NMNAT3: variants seen among roughly 807,000 people sequenced by gnomAD.
NMNAT3 encodes the protein nicotinamide/nicotinic acid mononucleotide adenylyltransferase 3.
Under a neutral mutation model 24.8 loss-of-function variants are expected in NMNAT3, and 21 were observed. The observed-to-expected ratio is 0.85, with a 90% CI of 0.60 to 1.22. The LOEUF (loss-of-function observed/expected upper bound fraction) is 1.22. Among genes scored for constraint, NMNAT3 ranks in the 50% most tolerant of loss-of-function variants. The pLI is 0.00. For missense variants in NMNAT3, 387 were observed against 436.6 expected, an observed-to-expected ratio of 0.89 and a Z score of 1.01; for synonymous variants, 136 against 155.2, an observed-to-expected ratio of 0.88 and a Z score of 0.92.
intron 3 of NMNAT3, among the ~76,000 whole-genome samples, chr3:139,588,911 A>G (rs1303143196): frequency 1.3e-5 from 2 of 152,174 alleles, no homozygotes; most frequent in Non-Finnish European, 2.9e-5. Flanking sequence ...CAACACCTAC[A>G]CACATTTGGG....
At chr3:139,667,639 C>T (rs956571842) in intron 1 of NMNAT3, among the ~76,000 whole-genome samples, 1 of 152,196 alleles carries the variant, frequency 6.6e-6, no homozygotes, top group Non-Finnish European at 1.5e-5. Context: ...AGAGTGAGAA[C>T]TGCCTGGTTG....
intron 5 of NMNAT3, 116 bp downstream of exon 5, chr3:139,578,756 G>T: frequency 1.2e-6 from 1 of 825,724 alleles, no homozygotes; most frequent in Non-Finnish European, 1.8e-6. Flanking sequence ...TTGGATATTT[G>T]CTGAGAAGGT....
At chr3:139,653,174 A>G (rs1176855879) in intron 1 of NMNAT3, among the ~76,000 whole-genome samples, 2 of 152,176 alleles carry the variant, frequency 1.3e-5, no homozygotes, top group African/African-American at 4.8e-5. Context: ...ACTCCATTTT[A>G]TAAAATTACT....
chr3:139,612,849 T>A (rs552255506), intron 3 of NMNAT3, among the ~76,000 whole-genome samples: 8 of 152,292 alleles, frequency 5.3e-5, no homozygotes, highest in Non-Finnish European at 7.3e-5. Flanking sequence ...AACTATCTGA[T>A]CTTTGACAAA....
At chr3:139,590,744 T>C (rs980058111) in intron 3 of NMNAT3, among the ~76,000 whole-genome samples, 5 of 152,178 alleles carry the variant, frequency 3.3e-5, no homozygotes, top group Non-Finnish European at 5.9e-5. Flanking sequence ...AAAAAGTTAA[T>C]AAAACGTATC....
intron 3 of NMNAT3, among the ~76,000 whole-genome samples, chr3:139,626,697 G>A (rs1017472631): frequency 2.6e-5 from 4 of 151,884 alleles, no homozygotes; most frequent in Non-Finnish European, 2.9e-5. Context: ...GTAGTAATAG[G>A]ATATCACTTT....
chr3:139,643,744 T>C (rs2056783190), intron 1 of NMNAT3, among the ~76,000 whole-genome samples: 1 of 152,188 alleles, frequency 6.6e-6, no homozygotes, highest in Non-Finnish European at 1.5e-5. Flanking sequence ...GAAGGAACAC[T>C]TATTGTTTAA....
chr3:139,621,690 C>A (rs535212467), intron 3 of NMNAT3, among the ~76,000 whole-genome samples: 1 of 152,154 alleles, frequency 6.6e-6, no homozygotes, highest in Admixed American at 6.6e-5. Flanking sequence ...TTCCTTCTGT[C>A]TTACTGCATG....
intron 1 of NMNAT3, among the ~76,000 whole-genome samples, chr3:139,653,547 T>C (rs933208036): frequency 2.0e-5 from 3 of 152,228 alleles, no homozygotes; most frequent in African/African-American, 7.2e-5. Flanking sequence ...CTGACACTTT[T>C]GGAAACAAAC....
intron 1 of NMNAT3, among the ~76,000 whole-genome samples, chr3:139,647,982 C>G (rs1035067087): frequency 5.9e-5 from 9 of 152,168 alleles, no homozygotes; most frequent in Non-Finnish European, 1.2e-4. Flanking sequence ...TGGCTGAATT[C>G]AACTTCCTGC....
At chr3:139,579,441 T>C (rs1039569252) in intron 4 of NMNAT3, among the ~76,000 whole-genome samples, 2 of 152,152 alleles carry the variant, frequency 1.3e-5, no homozygotes, top group African/African-American at 4.8e-5. Flanking sequence ...GCCCTCTATG[T>C]GAGGATGAAA....
At chr3:139,678,041 C>T (rs2057992318), upstream of NMNAT3, 1 of 95,576 alleles carries the variant, frequency 1.0e-5, no homozygotes, top group Non-Finnish European at 2.2e-5. Context: ...CCTGGCCCCG[C>T]CCAGGGTCCT....
intron 1 of NMNAT3, among the ~76,000 whole-genome samples, chr3:139,668,682 G>A (rs1386134859): frequency 6.6e-6 from 1 of 152,182 alleles, no homozygotes; most frequent in Non-Finnish European, 1.5e-5. Flanking sequence ...CAAGTACAAA[G>A]GTATGTAAGA....
chr3:139,566,634 G>C (rs1325714558), intron 6 of NMNAT3: 1 of 152,112 alleles, frequency 6.6e-6, no homozygotes, highest in East Asian at 1.9e-4. Flanking sequence ...TTTCCCCATT[G>C]CTTGTTTTTC....
At chr3:139,561,486 G>GA (rs35898558) in intron 6 of NMNAT3, 94 bp from the exon 7 acceptor site, 1,031,880 of 1,276,452 alleles carry the variant, frequency 0.81, 419,919 homozygotes, top group East Asian at 0.99. Flanking sequence ...GCTTTTCTTG[G>GA]ATGTATCGAG....
chr3:139,652,248 G>A lies in NMNAT3; in HGVS notation c.-140-14186C>T, dbSNP rs562368333. Among the ~76,000 whole-genome samples, 9 of 152,312 alleles carry A rather than the reference G, an allele frequency of 5.9e-5. No homozygotes were observed. The East Asian group carries it at 1.5e-3, about 26-fold the overall frequency. ...TCCCCTTACATTTTGTGGGTACCCA[G>A]ATGATCAACATCACTGTGTGTAAGG... On this transcript the variant is annotated intron_variant, in intron 1 of 6. Transcript: ENST00000643695.
intron 1 of NMNAT3, among the ~76,000 whole-genome samples, chr3:139,641,764 T>C (rs2056711115): frequency 6.6e-6 from 1 of 152,210 alleles, no homozygotes; most frequent in South Asian, 2.1e-4. Flanking sequence ...CTGTCTTCCA[T>C]GAGCAGATGT....
intron 3 of NMNAT3, among the ~76,000 whole-genome samples, chr3:139,583,773 A>G (rs1000869432): frequency 3.9e-5 from 6 of 152,286 alleles, no homozygotes; most frequent in Non-Finnish European, 8.8e-5. Context: ...AGCTATTTCT[A>G]AAACACATAT....
At chr3:139,631,610 T>C (rs1295004183) in intron 2 of NMNAT3, among the ~76,000 whole-genome samples, 1 of 152,180 alleles carries the variant, frequency 6.6e-6, no homozygotes, top group African/African-American at 2.4e-5. Context: ...ATCATTAAAC[T>C]GGAGACAAGG....
Sources: allele counts gnomAD v4.1 joint callset (sites outside exome capture counted in the v4.1 genomes callset), GRCh38; gene constraint gnomAD v4.1.1; transcripts MANE v1.5; gene names NCBI Gene and HGNC (gene_info 2026-07-23, HGNC 2026-07-21).